EIF3E: variants seen among roughly 807,000 people sequenced by gnomAD.
EIF3E encodes the protein eukaryotic translation initiation factor 3 subunit E.
In EIF3E, 25 loss-of-function variants were observed where a neutral mutation model predicts 59.3. That is an observed-to-expected ratio of 0.42 (90% CI 0.31 to 0.59). The LOEUF is 0.59. EIF3E is among the 20% of genes least tolerant of loss of function. The pLI is 0.15. For missense variants in EIF3E, 317 were observed against 534.3 expected (o/e 0.59, Z 4.01); for synonymous variants, 176 against 170.2 (o/e 1.03, Z -0.26).
intron 7 of EIF3E, among the ~76,000 whole-genome samples, chr8:108,218,357 T>C (rs1322129805): frequency 2.0e-5 from 3 of 152,178 alleles, no homozygotes; most frequent in Non-Finnish European, 4.4e-5. Context: ...TAGCCATCCT[T>C]CAAGGTCCAG....
At chr8:108,247,881 TG>T (rs1815977454) in intron 1 of EIF3E, among the ~76,000 whole-genome samples, 1 of 152,230 alleles carries the variant, frequency 6.6e-6, no homozygotes, top group Non-Finnish European at 1.5e-5. Context: ...GACTGACATA[TG>T]CTTTAAAATG....
intron 10 of EIF3E, among the ~76,000 whole-genome samples, chr8:108,204,059 T>C (rs1382660061): frequency 2.0e-5 from 3 of 152,080 alleles, no homozygotes; most frequent in Non-Finnish European, 4.4e-5. Flanking sequence ...TGAGATAACA[T>C]GCATAGGTTA....
intron 1 of EIF3E, among the ~76,000 whole-genome samples, chr8:108,244,664 AAT>A (rs1400329210): frequency 6.6e-6 from 1 of 152,010 alleles, no homozygotes; most frequent in Non-Finnish European, 1.5e-5. Flanking sequence ...TAATTTTTGT[AAT>A]ACCCTTTTTG....
intron 3 of EIF3E, among the ~76,000 whole-genome samples, chr8:108,238,692 T>C (rs1815782441): frequency 6.6e-6 from 1 of 152,040 alleles, no homozygotes; most frequent in Non-Finnish European, 1.5e-5. Flanking sequence ...GGCACAGTAA[T>C]TGTATATTTG....
intron 6 of EIF3E, 118 bp from the exon 7 acceptor site, chr8:108,228,509 G>A (rs1269757961): frequency 2.4e-5 from 18 of 762,448 alleles, no homozygotes; most frequent in Non-Finnish European, 3.3e-5. Flanking sequence ...AGGCATGCAC[G>A]GAGGTCATTA....
chr8:108,236,347 G>A lies in EIF3E; in HGVS notation c.324-144C>T, dbSNP rs1271056307. On this transcript the variant is annotated intron_variant, in intron 3 of 12. Transcript: ENST00000220849. ...AAAGACTTCCAGAATAAAATAAGCA[G>A]GACATTACATGTTTTGAATATAAGA... The A allele has an allele frequency of 1.0e-5, 6 of 593,112 alleles. No homozygotes were observed. In the East Asian group the frequency reaches 1.5e-4, roughly 15 times the overall value. The allele number at this position is 593,112 out of a possible 1,614,324, so 36.7% of individuals were successfully genotyped here.
Position 108,248,712 on chromosome 8 carries a change from G to T in EIF3E, c.-10C>A. 5 of 1,614,086 alleles carry T rather than the reference G, an allele frequency of 3.1e-6. No homozygotes were observed. Among genetic ancestry groups the T allele is most frequent in the Non-Finnish European group, 4.2e-6 (5 of 1,179,960 alleles). On this transcript the variant is annotated 5_prime_UTR_variant, in exon 1 of 13. Transcript: ENST00000220849. ...AGTCGTACTCCGCCATCTTGCCAAA[G>T]AAAAGGGAGTCTGTGCTCACTAAAA...
chr8:108,232,889 G>A (rs1703378804), intron 5 of EIF3E, among the ~76,000 whole-genome samples: 1 of 139,588 alleles, frequency 7.2e-6, no homozygotes, highest in Non-Finnish European at 1.6e-5. Context: ...TACTGTGCTG[G>A]AACTCTAACA....
At chr8:108,218,919 A>C (rs1050063129) in intron 7 of EIF3E, among the ~76,000 whole-genome samples, 1 of 151,098 alleles carries the variant, frequency 6.6e-6, no homozygotes, top group Admixed American at 6.6e-5. Flanking sequence ...GAGTAGTTGG[A>C]ACTACAGGTG....
Position 108,214,595 on chromosome 8 carries a change from C to T in EIF3E, c.1061+12G>A, listed in dbSNP as rs376537156. Reference sequence around the variant, plus strand: ...AAAGTAGAAAATCCAAATCAAATCACGGTGTTCTTACTTAATGCTGATACA... The same window carrying T: ...AAAGTAGAAAATCCAAATCAAATCATGGTGTTCTTACTTAATGCTGATACA... On this transcript the variant is annotated intron_variant, in intron 10 of 12. Coordinates refer to ENST00000220849, the MANE Select transcript of EIF3E (RefSeq NM_001568.3). 34 of 1,549,368 alleles carry T rather than the reference C, an allele frequency of 2.2e-5. No individual in the cohort carries two copies. Among genetic ancestry groups the T allele is most frequent in the South Asian group, 1.6e-4 (13 of 80,642 alleles).
At chr8:108,235,457 T>C (rs1300719997) in intron 4 of EIF3E, among the ~76,000 whole-genome samples, 2 of 152,224 alleles carry the variant, frequency 1.3e-5, no homozygotes, top group East Asian at 1.9e-4. Flanking sequence ...ATAGGGTTCG[T>C]GCTCCTATGA....
intron 1 of EIF3E, among the ~76,000 whole-genome samples, chr8:108,246,603 T>A (rs1033098509): frequency 3.9e-5 from 6 of 152,142 alleles, no homozygotes; most frequent in Non-Finnish European, 8.8e-5. Flanking sequence ...CAGGTCCACG[T>A]ATACACAACT....
At chr8:108,216,375 G>T in intron 9 of EIF3E, 37 bp downstream of exon 9, 1 of 1,476,508 alleles carries the variant, frequency 6.8e-7, no homozygotes, top group South Asian at 1.2e-5. Flanking sequence ...AAAAATTTAA[G>T]AATAGTATTA....
intron 1 of EIF3E, among the ~76,000 whole-genome samples, chr8:108,242,989 G>A (rs989448018): frequency 6.6e-6 from 1 of 152,018 alleles, no homozygotes; most frequent in Non-Finnish European, 1.5e-5. Flanking sequence ...ATTGTTTCGA[G>A]GCATCCAAAA....
chr8:108,229,941 G>A (rs539115825), intron 5 of EIF3E, among the ~76,000 whole-genome samples: 12 of 152,088 alleles, frequency 7.9e-5, no homozygotes, highest in East Asian at 7.7e-4. Context: ...TCTTCTATCC[G>A]CTGGTAAAAG....
chr8:108,222,849 T>TTTA (rs1554599579), intron 7 of EIF3E, among the ~76,000 whole-genome samples: 1 of 144,394 alleles, frequency 6.9e-6, no homozygotes. Flanking sequence ...TTTTTTTTTT[T>TTTA]AAATAACAGA....
At chr8:108,218,787 T>TA (rs1036785058) in intron 7 of EIF3E, among the ~76,000 whole-genome samples, 2 of 145,384 alleles carry the variant, frequency 1.4e-5, no homozygotes, top group African/African-American at 2.5e-5. Context: ...TATTTCTTTT[T>TA]TTTTTTTTTT....
At chr8:108,239,716 T>TAGTATAATCAGTATAGATAAGTACTAA (rs1384106182) in intron 3 of EIF3E, among the ~76,000 whole-genome samples, 7 of 152,180 alleles carry the variant, frequency 4.6e-5, no homozygotes, top group Non-Finnish European at 8.8e-5. Flanking sequence ...GGAATTTCTG[T>TAGTATAATCAGTATAGATAAGTACTAA]AGTATAATCA....
chr8:108,203,868 CA>C (rs1222826975), intron 10 of EIF3E, among the ~76,000 whole-genome samples: 2 of 151,978 alleles, frequency 1.3e-5, no homozygotes, highest in African/African-American at 4.8e-5. Context: ...GTCAGCCCTC[CA>C]TATCCACAGG....
Sources: allele counts gnomAD v4.1 joint callset (sites outside exome capture counted in the v4.1 genomes callset), GRCh38; gene constraint gnomAD v4.1.1; transcripts MANE v1.5; gene names NCBI Gene and HGNC (gene_info 2026-07-23, HGNC 2026-07-21).